PLEKHA5: variants seen among roughly 807,000 people sequenced by gnomAD.
PLEKHA5 encodes pleckstrin homology domain containing A5.
Under a neutral mutation model 181.9 loss-of-function variants are expected in PLEKHA5, and 55 were observed. The observed-to-expected ratio is 0.30, with a 90% CI of 0.24 to 0.38. PLEKHA5 has a LOEUF of 0.38. PLEKHA5 is among the 10% of genes least tolerant of loss of function. PLEKHA5 has a pLI of 1.00. For synonymous variants in PLEKHA5, 535 were observed against 529.4 expected (o/e 1.01, Z -0.15); for missense variants, 1,432 against 1,549.5 (o/e 0.92, Z 1.27).
intron 3 of PLEKHA5, among the ~76,000 whole-genome samples, chr12:19,145,522 C>T (rs1305565607): frequency 2.0e-5 from 3 of 151,954 alleles, no homozygotes; most frequent in African/African-American, 7.3e-5. Flanking sequence ...ATGGGATTGT[C>T]CTGTAGGTAC....
At chr12:19,156,214 G>GTTTTTTTTTTCTTTTTTTGT (rs2041667968) in intron 3 of PLEKHA5, among the ~76,000 whole-genome samples, 1 of 145,094 alleles carries the variant, frequency 6.9e-6, no homozygotes, top group Non-Finnish European at 1.5e-5. Flanking sequence ...TCCTTTTTTT[G>GTTTTTTTTTTCTTTTTTTGT]TTTTTTTTTT....
chr12:19,265,031 T>C (rs1307443542), intron 7 of PLEKHA5, among the ~76,000 whole-genome samples: 3 of 152,230 alleles, frequency 2.0e-5, no homozygotes, highest in Non-Finnish European at 1.5e-5. Context: ...TGTGCTTGCC[T>C]TGTAGGCCTG....
At position 19,317,356 on chromosome 12, in the gene PLEKHA5, C is replaced by CT. The variant is rs58539448; in HGVS notation, c.2118+2477dup. On this transcript the variant is annotated intron_variant, in intron 16 of 31. Coordinates refer to ENST00000429027, the MANE Select transcript of PLEKHA5 (RefSeq NM_001256470.2). ...TGGGTGACAGAATGAGATACTATCT[C>CT]TTTTTTTTTTTTTTTAAGCATTCTG... 6.1e-3 allele frequency among the ~76,000 whole-genome samples: 859 copies of CT among 139,796 alleles called. 3 individuals carry two copies. Among genetic ancestry groups the CT allele is most frequent in the African/African-American group, 6.2e-3 (239 of 38,318 alleles). The allele number at this position is 139,796 out of a possible 152,430, so 91.7% of individuals were successfully genotyped here. A position where few individuals can be genotyped will look rare whatever the true frequency, so the allele number is the denominator to read the frequency against.
At chr12:19,219,864 A>C (rs2058658194) in intron 3 of PLEKHA5, among the ~76,000 whole-genome samples, 1 of 152,130 alleles carries the variant, frequency 6.6e-6, no homozygotes. Context: ...GAACAATAGA[A>C]GTACCTTTCT....
At chr12:19,153,302 T>A (rs899868608) in intron 3 of PLEKHA5, 1 of 152,198 alleles carries the variant, frequency 6.6e-6, no homozygotes, top group African/African-American at 2.4e-5. Flanking sequence ...AGATTTTTTT[T>A]CTTTTAGTTT....
rs566416116 is a variant in PLEKHA5, at chr12:19,159,573, T to C, written c.227+27123T>C. ...TCTGTTTATTCTGTTATTAAATGTT[T>C]CATTTAAAATTGTGCACAGTTCACT... On this transcript the variant is annotated intron_variant, in intron 3 of 31. Coordinates refer to ENST00000429027, the MANE Select transcript of PLEKHA5 (RefSeq NM_001256470.2). Among the ~76,000 whole-genome samples the C allele has an allele frequency of 2.0e-5, 3 of 152,270 alleles. No homozygotes were observed. The South Asian group carries it at 6.2e-4, about 32-fold the overall frequency.
intron 20 of PLEKHA5, among the ~76,000 whole-genome samples, chr12:19,334,870 C>A (rs3983604): frequency 0.4 from 9,802 of 24,398 alleles, 2,745 homozygotes; most frequent in Non-Finnish European, 0.64. Flanking sequence ...ATATATATAT[C>A]TCTGTATACG....
intron 3 of PLEKHA5, among the ~76,000 whole-genome samples, chr12:19,225,790 G>A (rs1666203760): frequency 6.6e-6 from 1 of 152,200 alleles, no homozygotes; most frequent in Admixed American, 6.5e-5. Context: ...TCCATTTGCA[G>A]TGTGGGGATT....
intron 3 of PLEKHA5, among the ~76,000 whole-genome samples, chr12:19,231,244 T>C (rs1315921803): frequency 1.3e-5 from 2 of 152,068 alleles, no homozygotes; most frequent in Admixed American, 6.5e-5. Flanking sequence ...ATCAAAAACA[T>C]ACCATGTATC....
intron 26 of PLEKHA5, among the ~76,000 whole-genome samples, chr12:19,357,728 T>G (rs2153229134): frequency 6.6e-6 from 1 of 152,146 alleles, no homozygotes; most frequent in Admixed American, 6.6e-5. Context: ...CTCCACCTCC[T>G]GGGCTCAAAC....
intron 3 of PLEKHA5, among the ~76,000 whole-genome samples, chr12:19,193,370 T>C (rs2051724718): frequency 1.3e-5 from 2 of 152,204 alleles, no homozygotes; most frequent in Non-Finnish European, 1.5e-5. Context: ...TAAAAGCAAA[T>C]AATGTTGGTT....
intron 3 of PLEKHA5, among the ~76,000 whole-genome samples, chr12:19,239,792 C>G (rs556198807): frequency 1.1e-4 from 17 of 152,316 alleles, no homozygotes; most frequent in African/African-American, 4.1e-4. Flanking sequence ...AGGCTCAATT[C>G]AAATGGTAGC....
intron 3 of PLEKHA5, chr12:19,207,321 T>C (rs2055808725): frequency 6.6e-6 from 1 of 152,070 alleles, no homozygotes; most frequent in Non-Finnish European, 1.5e-5. Flanking sequence ...AAATAATGAA[T>C]AGAAGATCTA....
rs1189361767 is a variant in PLEKHA5 at position 19,359,462 on chromosome 12, T to G, written c.3399T>G (p.Asp1133Glu). Residue 1133 changes from aspartate to glutamate, a missense_variant, in exon 28 of 32, where the codon GAT (aspartate) becomes GAG (glutamate). Asp to Glu is a conservative substitution (Grantham distance 45). Coordinates refer to ENST00000429027, the MANE Select transcript of PLEKHA5 (RefSeq NM_001256470.2). ...KELDTAIREN[D>E]VKPDHETPAT... ...TGGACACTGCCATTAGAGAAAATGA[T>G]GTAAAGCCAGACCATGAAACTCCTG... 1 of 1,613,602 alleles carries G rather than the reference T, an allele frequency of 6.2e-7. No individual in the cohort carries two copies. The highest frequency in any genetic ancestry group is 8.5e-7 in the Non-Finnish European group (1 of 1,179,672).
chr12:19,201,238 A>T (rs1662424624), intron 3 of PLEKHA5: 1 of 152,134 alleles, frequency 6.6e-6, no homozygotes, highest in African/African-American at 2.4e-5. Context: ...GCCAGTGAGC[A>T]CATGAAAAGA....
intron 21 of PLEKHA5, among the ~76,000 whole-genome samples, chr12:19,340,399 C>T (rs1240242676): frequency 7.1e-5 from 10 of 140,034 alleles, no homozygotes; most frequent in Non-Finnish European, 9.6e-5. Context: ...CCAGCCGCCC[C>T]GTCCGGGAGG....
In PLEKHA5 at chr12:19,220,581, C is replaced by T. The variant is rs74696672; in HGVS notation, c.228-33359C>T. 1.7e-3 allele frequency among the ~76,000 whole-genome samples: 257 copies of T among 152,240 alleles called. 3 individuals are homozygous for T. The East Asian group carries it at 0.026, about 16-fold the overall frequency. Reference sequence around the variant, plus strand: ...GGTGTGCACTATTTCTATGAATGTACATTAATATCTTTAATCCCTTCTCCA... The same window carrying T: ...GGTGTGCACTATTTCTATGAATGTATATTAATATCTTTAATCCCTTCTCCA... On this transcript the variant is annotated intron_variant, in intron 3 of 31. Coordinates refer to ENST00000429027, the MANE Select transcript of PLEKHA5 (RefSeq NM_001256470.2).
At chr12:19,310,863 T>C (rs1294508177) in intron 15 of PLEKHA5, among the ~76,000 whole-genome samples, 2 of 152,084 alleles carry the variant, frequency 1.3e-5, no homozygotes, top group Non-Finnish European at 1.5e-5. Context: ...GCATTATGTC[T>C]AAGAAAAAAA....
intron 27 of PLEKHA5, 41 bp from the exon 28 acceptor site, chr12:19,359,371 G>T (rs913376289): frequency 6.4e-7 from 1 of 1,572,348 alleles, no homozygotes; most frequent in Non-Finnish European, 8.7e-7. Context: ...ATACATGCAT[G>T]CACAGTATGA....
Sources: gnomAD v4.1 joint callset for allele counts (sites outside exome capture counted in the v4.1 genomes callset) on GRCh38, gnomAD v4.1.1 for gene constraint, MANE v1.5 for transcripts, NCBI Gene and HGNC (gene_info 2026-07-23, HGNC 2026-07-21) for gene names.